C10orf67: variants seen among roughly 807,000 people sequenced by gnomAD.
The protein encoded by C10orf67 is chromosome 10 open reading frame 67.
In C10orf67, 60 loss-of-function variants were observed where a neutral mutation model predicts 35.6. The ratio of observed to expected loss-of-function variants is 1.68; its 90% confidence interval spans 1.37 to 2.09. C10orf67 has a LOEUF of 2.09. C10orf67 is among the 30% of genes most tolerant of loss of function. C10orf67 has a pLI of 0.00. For synonymous variants in C10orf67, 167 were observed against 115.8 expected, an observed-to-expected ratio of 1.44 and a Z score of -2.84; for missense variants, 474 against 330.2, an observed-to-expected ratio of 1.44 and a Z score of -3.38.
intron 4 of C10orf67, among the ~76,000 whole-genome samples, chr10:23,309,801 A>G (rs149891469): frequency 1.1e-3 from 169 of 152,312 alleles, no homozygotes; most frequent in African/African-American, 3.7e-3. Flanking sequence ...GAGGGCCACA[A>G]TTCTTTGGAA....
intron 15 of C10orf67, among the ~76,000 whole-genome samples, chr10:23,223,080 T>TA (rs1491126059): frequency 1.6e-5 from 1 of 60,656 alleles, no homozygotes; most frequent in East Asian, 2.7e-3. Flanking sequence ...AGTATAACTA[T>TA]TTTTTTTTTT....
At position 23,223,663 on chromosome 10, in the gene C10orf67, A is replaced by G; in HGVS notation, c.1510-5T>C. 1 of 717,516 alleles carries G rather than the reference A, an allele frequency of 1.4e-6. No individual in the cohort carries two copies. The highest frequency in any genetic ancestry group is 2.6e-6 in the Non-Finnish European group (1 of 384,988). 44.4% of individuals were successfully genotyped at this position (717,516 alleles called of 1,614,324 possible). ...ATCCACATGCTTACCGTCTATCTGT[A>G]AGTGAACCAAAACTTTTCATTACTT... is the stretch of plus-strand genomic sequence containing the variant. On this transcript the variant is annotated splice_region_variant and splice_polypyrimidine_tract_variant and intron_variant, in intron 14 of 15. Coordinates refer to ENST00000636213, the MANE Select transcript of C10orf67 (RefSeq NM_001371909.1).
chr10:23,303,632 G>A (rs1056712131), intron 4 of C10orf67, among the ~76,000 whole-genome samples, 173 bp from the exon 5 acceptor site: 4 of 152,300 alleles, frequency 2.6e-5, no homozygotes, highest in South Asian at 2.1e-4. Flanking sequence ...ATTTTAGTAA[G>A]CAACTTTATT....
At chr10:23,260,317 CA>C (rs113379558) in intron 10 of C10orf67, among the ~76,000 whole-genome samples, 202 of 150,476 alleles carry the variant, frequency 1.3e-3, no homozygotes, top group African/African-American at 4.6e-3. Context: ...AAAATAAAGG[CA>C]AAAAAAAGGG....
Position 23,250,458 on chromosome 10 carries a change from T to A in C10orf67, c.1343A>T (p.Asn448Ile). The A allele has an allele frequency of 2.5e-6, 1 of 398,578 alleles. No individual in the cohort carries two copies. Among genetic ancestry groups the A allele is most frequent in the Non-Finnish European group, 4.4e-6 (1 of 225,810 alleles). 24.7% of individuals were successfully genotyped at this position (398,578 alleles called of 1,614,324 possible). Residue 448 changes from asparagine to isoleucine, a missense_variant, in exon 12 of 16, where the codon AAC becomes ATC. Physicochemically the swap from Asn to Ile is moderately radical, Grantham distance 149. Coordinates refer to ENST00000636213, the MANE Select transcript of C10orf67 (RefSeq NM_001371909.1). ...ATTTGTATATTTCACACCATACCTG[T>A]TCCTGAGAATAAAGAATCTCTTTTC... ...SWEKRFFILRNSFHVLKNEMF... is the reference protein window; with the variant it reads ...SWEKRFFILRISFHVLKNEMF...
At chr10:23,212,288 A>C (rs1214626428) in intron 15 of C10orf67, among the ~76,000 whole-genome samples, 2 of 152,146 alleles carry the variant, frequency 1.3e-5, no homozygotes, top group Non-Finnish European at 2.9e-5. Flanking sequence ...AGCCTCCAGA[A>C]CTGTGAGAAT....
chr10:23,307,427 C>A (rs1303422457), intron 4 of C10orf67, among the ~76,000 whole-genome samples: 1 of 151,812 alleles, frequency 6.6e-6, no homozygotes, highest in African/African-American at 2.4e-5. Context: ...ATGATGAATA[C>A]CAGCAGACTA....
chr10:23,208,825 A>G (rs957627602), intron 15 of C10orf67, among the ~76,000 whole-genome samples: 1 of 152,128 alleles, frequency 6.6e-6, no homozygotes, highest in African/African-American at 2.4e-5. Flanking sequence ...GGAGACTTGA[A>G]CAATCCTTGT....
At chr10:23,284,182 T>G (rs1425330196) in intron 7 of C10orf67, among the ~76,000 whole-genome samples, 3 of 150,636 alleles carry the variant, frequency 2.0e-5, no homozygotes, top group African/African-American at 7.3e-5. Flanking sequence ...CTCCTTTCCA[T>G]TCTTCCATTT....
intron 12 of C10orf67, among the ~76,000 whole-genome samples, chr10:23,243,404 C>T (rs1250108721): frequency 6.6e-6 from 1 of 152,066 alleles, no homozygotes; most frequent in Non-Finnish European, 1.5e-5. Flanking sequence ...TCATTCCTGG[C>T]CAGGCATGGT....
intron 1 of C10orf67, among the ~76,000 whole-genome samples, chr10:23,334,871 G>T (rs1169439867): frequency 7.9e-5 from 12 of 152,184 alleles, no homozygotes; most frequent in Admixed American, 7.9e-4. Context: ...GGCCAGCCAG[G>T]GCATAGATGA....
At chr10:23,307,297 T>A (rs1449267209) in intron 4 of C10orf67, among the ~76,000 whole-genome samples, 1 of 152,208 alleles carries the variant, frequency 6.6e-6, no homozygotes, top group African/African-American at 2.4e-5. Flanking sequence ...GTGTGTTTGT[T>A]ACTAATATAT....
At chr10:23,263,103 G>A (rs143615814) in intron 10 of C10orf67, among the ~76,000 whole-genome samples, 25 of 152,214 alleles carry the variant, frequency 1.6e-4, no homozygotes, top group Admixed American at 1.0e-3. Flanking sequence ...ATTGCCTAGC[G>A]CTGCCGGATA....
At position 23,208,169 on chromosome 10, in the gene C10orf67, G is replaced by A. The variant is rs573050077; in HGVS notation, c.1571-3914C>T. On this transcript the variant is annotated intron_variant, in intron 15 of 15. Coordinates refer to ENST00000636213, the MANE Select transcript of C10orf67 (RefSeq NM_001371909.1). Reference sequence around the variant, plus strand: ...AAGCAGCTAGTTTTTCTTATGAACAGGTGAACAATTTGGAGCCTAAGGATT... The same window carrying A: ...AAGCAGCTAGTTTTTCTTATGAACAAGTGAACAATTTGGAGCCTAAGGATT... Among the ~76,000 whole-genome samples the A allele has an allele frequency of 3.9e-5, 6 of 152,292 alleles. No individual in the cohort carries two copies. In the South Asian group the frequency reaches 1.2e-3, roughly 32 times the overall value.
At chr10:23,274,870 G>A (rs1843139634) in intron 8 of C10orf67, among the ~76,000 whole-genome samples, 1 of 152,014 alleles carries the variant, frequency 6.6e-6, no homozygotes, top group Admixed American at 6.6e-5. Context: ...TTTATGTTCA[G>A]AGACTGCAGT....
intron 4 of C10orf67, among the ~76,000 whole-genome samples, chr10:23,311,317 TG>T (rs1471808423): frequency 6.6e-6 from 1 of 152,212 alleles, no homozygotes; most frequent in African/African-American, 2.4e-5. Context: ...TTCTGACAAC[TG>T]TCAAGTTGAC....
intron 7 of C10orf67, among the ~76,000 whole-genome samples, chr10:23,287,290 G>A (rs2132251323): frequency 6.6e-6 from 1 of 152,182 alleles, no homozygotes; most frequent in South Asian, 2.1e-4. Flanking sequence ...ATAGACCAAT[G>A]GAGCAGAACA....
chr10:23,306,252 G>A (rs534575771), intron 4 of C10orf67, among the ~76,000 whole-genome samples: 46 of 152,122 alleles, frequency 3.0e-4, no homozygotes, highest in African/African-American at 9.2e-4. Flanking sequence ...CAGGCTGGGC[G>A]CGGTGGCTCA....
At chr10:23,337,370 C>T (rs1190435081) in intron 1 of C10orf67, among the ~76,000 whole-genome samples, 1 of 151,906 alleles carries the variant, frequency 6.6e-6, no homozygotes, top group Non-Finnish European at 1.5e-5. Context: ...CTTGTCTCTA[C>T]AAAAAATGCA....
Sources: allele counts gnomAD v4.1 joint callset (sites outside exome capture counted in the v4.1 genomes callset), GRCh38; gene constraint gnomAD v4.1.1; transcripts MANE v1.5; gene names NCBI Gene and HGNC (gene_info 2026-07-23, HGNC 2026-07-21).